MSRA: variants seen among roughly 807,000 people sequenced by gnomAD.
MSRA encodes mitochondrial peptide methionine sulfoxide reductase.
A neutral mutation model predicts 31.3 loss-of-function variants in MSRA; 54 were observed. The observed-to-expected ratio is 1.73, with a 90% confidence interval of 1.39 to 2.17. The LOEUF (loss-of-function observed/expected upper bound fraction) is 2.17, where lower values mean the gene tolerates loss of function less well. MSRA is among the 30% of genes most tolerant of loss of function. The pLI, the probability that MSRA is intolerant of heterozygous loss-of-function variation, is 0.00. For synonymous variants in MSRA, 169 were observed against 116.5 expected (o/e 1.45, Z -2.90); for missense variants, 507 against 300.9 (o/e 1.69, Z -5.07).
At chr8:10,201,032 G>C (rs183413122) in intron 1 of MSRA, among the ~76,000 whole-genome samples, 4 of 152,088 alleles carry the variant, frequency 2.6e-5, no homozygotes, top group African/African-American at 9.7e-5. Context: ...TGACTGACTT[G>C]TACCCTGAAC....
chr8:10,353,470 T>C, intron 5 of MSRA: 1 of 350,934 alleles, frequency 2.8e-6, no homozygotes, highest in Non-Finnish European at 5.5e-6. Context: ...CCGTGAGTCC[T>C]GTATTTGGTA....
intron 1 of MSRA, among the ~76,000 whole-genome samples, chr8:10,194,205 A>G (rs1252074255): frequency 2.0e-5 from 3 of 152,198 alleles, no homozygotes; most frequent in Non-Finnish European, 4.4e-5. Flanking sequence ...TCATTTTTGA[A>G]TAATCTTTTA....
intron 1 of MSRA, among the ~76,000 whole-genome samples, chr8:10,130,409 G>C (rs969507370): frequency 2.6e-5 from 4 of 152,186 alleles, no homozygotes; most frequent in Non-Finnish European, 4.4e-5. Context: ...GACATGTTAA[G>C]CTCTAACATG....
intron 2 of MSRA, among the ~76,000 whole-genome samples, chr8:10,216,792 G>C (rs1483306974): frequency 6.6e-6 from 1 of 152,134 alleles, no homozygotes; most frequent in Non-Finnish European, 1.5e-5. Context: ...CATTTGGTTT[G>C]TCCATTCACC....
At chr8:10,411,340 A>G (rs962639091) in intron 5 of MSRA, 2 of 152,200 alleles carry the variant, frequency 1.3e-5, no homozygotes, top group African/African-American at 4.8e-5. Flanking sequence ...GAAACTGACA[A>G]AAGCTTCTTT....
intron 3 of MSRA, among the ~76,000 whole-genome samples, chr8:10,283,035 A>C (rs980331033): frequency 6.6e-6 from 1 of 152,056 alleles, no homozygotes; most frequent in Non-Finnish European, 1.5e-5. Flanking sequence ...TCTTAACTTC[A>C]AGAGCTTCCT....
intron 4 of MSRA, among the ~76,000 whole-genome samples, chr8:10,304,786 T>G (rs1459764596): frequency 6.6e-6 from 1 of 152,190 alleles, no homozygotes; most frequent in Non-Finnish European, 1.5e-5. Flanking sequence ...TGAAGATATG[T>G]AAGACTGACT....
chr8:10,139,101 T>C (rs1291778821), intron 1 of MSRA, among the ~76,000 whole-genome samples: 1 of 152,268 alleles, frequency 6.6e-6, no homozygotes, highest in South Asian at 2.1e-4. Context: ...TTTGAATTTC[T>C]TGTATTTGAG....
At chr8:10,210,546 T>A (rs1809385505) in intron 2 of MSRA, among the ~76,000 whole-genome samples, 1 of 152,126 alleles carries the variant, frequency 6.6e-6, no homozygotes. Flanking sequence ...TGGAGCAAGA[T>A]CTCCTACGGC....
At chr8:10,057,725 T>C (rs193071342) in intron 1 of MSRA, among the ~76,000 whole-genome samples, 17 of 152,316 alleles carry the variant, frequency 1.1e-4, no homozygotes, top group African/African-American at 3.6e-4. Flanking sequence ...CTTTGCGCTC[T>C]CTCGTTCTCT....
intron 1 of MSRA, among the ~76,000 whole-genome samples, chr8:10,179,456 C>T (rs564097895): frequency 2.0e-5 from 3 of 152,170 alleles, no homozygotes; most frequent in Non-Finnish European, 4.4e-5. Flanking sequence ...ATGCATATTG[C>T]ATCTGTGTAT....
chr8:10,405,185 T>C (rs11250003), intron 5 of MSRA, among the ~76,000 whole-genome samples: 142,836 of 152,198 alleles, frequency 0.94, 67,564 homozygotes, highest in East Asian at 1. Context: ...GCCAGGTCAC[T>C]GAGCCCAGCC....
chr8:10,377,688 C>G lies in MSRA; in HGVS notation c.544-50460C>G, dbSNP rs146000432. Among the ~76,000 whole-genome samples the G allele has an allele frequency of 4.0e-4, 61 of 152,328 alleles. No homozygotes were observed. The East Asian group carries it at 0.012, about 29-fold the overall frequency. ...GGGAGCAAGCGGTCTGTGTCTTTCACAGCACTGCAGCTGCCCGATTTCAGG... is the reference window on the plus strand; with the variant it reads ...GGGAGCAAGCGGTCTGTGTCTTTCAGAGCACTGCAGCTGCCCGATTTCAGG... On this transcript the variant is annotated intron_variant, in intron 5 of 5. Transcript: ENST00000317173.
At chr8:10,406,658 A>T (rs1807836207) in intron 5 of MSRA, among the ~76,000 whole-genome samples, 1 of 152,244 alleles carries the variant, frequency 6.6e-6, no homozygotes, top group South Asian at 2.1e-4. Flanking sequence ...TTAAACGGAC[A>T]ACCTACTTTC....
chr8:10,076,924 A>G (rs1213590537), intron 1 of MSRA, among the ~76,000 whole-genome samples: 2 of 152,072 alleles, frequency 1.3e-5, no homozygotes, highest in Admixed American at 6.5e-5. Flanking sequence ...CATTAGAAAA[A>G]AAAAGCTAAT....
intron 5 of MSRA, among the ~76,000 whole-genome samples, chr8:10,329,968 A>C (rs1323449593): frequency 1.3e-5 from 2 of 150,676 alleles, no homozygotes; most frequent in Non-Finnish European, 3.0e-5. Context: ...GAAAAAAATA[A>C]ATCCTAAGAG....
intron 1 of MSRA, among the ~76,000 whole-genome samples, chr8:10,056,372 T>C (rs1802371442): frequency 1.3e-5 from 2 of 152,174 alleles, no homozygotes; most frequent in Admixed American, 1.3e-4. Flanking sequence ...TGAGCAAACA[T>C]TTCAGAAATG....
intron 4 of MSRA, among the ~76,000 whole-genome samples, chr8:10,302,244 C>G (rs574141290): frequency 6.6e-6 from 1 of 152,216 alleles, no homozygotes; most frequent in African/African-American, 2.4e-5. Flanking sequence ...AATGCATACA[C>G]AAGTGAAATA....
intron 5 of MSRA, among the ~76,000 whole-genome samples, chr8:10,395,529 C>T (rs774686071): frequency 5.3e-5 from 8 of 152,102 alleles, no homozygotes; most frequent in African/African-American, 9.7e-5. Context: ...CTAGCAGAGG[C>T]CAGATGGATG....
Sources: gnomAD v4.1 joint callset for allele counts (sites outside exome capture counted in the v4.1 genomes callset) on GRCh38, gnomAD v4.1.1 for gene constraint, MANE v1.5 for transcripts, NCBI Gene and HGNC (gene_info 2026-07-23, HGNC 2026-07-21) for gene names.